The following TRIM14 variants were observed in gnomAD, a reference collection of about 807,000 sequenced individuals.
TRIM14 encodes tripartite motif containing 14, also known as tripartite motif-containing protein 14.
A neutral mutation model predicts 44.5 loss-of-function variants in TRIM14; 28 were observed. The observed-to-expected ratio is 0.63, with a 90% CI of 0.47 to 0.86. The LOEUF is 0.86. Ranked by LOEUF, TRIM14 falls within the 40% of genes least tolerant of loss-of-function variation. The pLI is 0.00. For missense variants in TRIM14, 607 were observed against 611.1 expected (o/e 0.99, Z 0.07); for synonymous variants, 299 against 269.2 (o/e 1.11, Z -1.08).
rs1327246560 is a variant in TRIM14 at position 98,087,854 on chromosome 9, G to C, written c.945C>G (p.Asp315Glu). The C allele has an allele frequency of 1.3e-6, 2 of 1,556,452 alleles. No individual in the cohort carries two copies. Among genetic ancestry groups the C allele is most frequent in the Admixed American group, 3.7e-5 (2 of 53,966 alleles). ...FDALWQVLAR[D>E]CFATGRHYWE... ...AGTAGTGGCGGCCGGTGGCGAAGCA[G>C]TCACGAGCCAGCACTTGCCAGAGCG... is the stretch of plus-strand genomic sequence containing the variant. Residue 315 changes from aspartate (D) to glutamate (E), a missense_variant, in exon 6 of 6, where the codon GAC becomes GAG. Around this residue, in one of 3 missense-constraint regions of TRIM14, gnomAD observed 356 missense variants for 323.0 expected, o/e 1.10. Transcript: ENST00000341469.
In TRIM14 at chr9:98,104,965, C is replaced by T. The variant is rs774248165; in HGVS notation, c.304-4801G>A. ...ATGCTGTCCAACCTTGCCCAGACCA[C>T]GTTAGCATGGGGACTCTTTAGACTC... On this transcript the variant is annotated intron_variant, in intron 2 of 5. Coordinates refer to ENST00000341469, the MANE Select transcript of TRIM14 (RefSeq NM_014788.4). 8.5e-5 allele frequency among the ~76,000 whole-genome samples: 13 copies of T among 152,232 alleles called. No individual in the cohort carries two copies. The Middle Eastern group carries it at 0.017, about 199-fold the overall frequency.
chr9:98,092,032 G>A (rs1826013545), intron 4 of TRIM14, 31 bp from the exon 5 acceptor site: 6 of 1,541,152 alleles, frequency 3.9e-6, no homozygotes, highest in East Asian at 4.6e-5. Context: ...ATGAGCGCCC[G>A]GAGCTTATGC....
chr9:98,104,856 G>A (rs1424470404), intron 2 of TRIM14, among the ~76,000 whole-genome samples: 2 of 152,162 alleles, frequency 1.3e-5, no homozygotes, highest in East Asian at 1.9e-4. Flanking sequence ...AAAGGAGGGC[G>A]CTGTTTTGCT....
chr9:98,114,994 C>T (rs1375478075), intron 1 of TRIM14, among the ~76,000 whole-genome samples: 1 of 152,176 alleles, frequency 6.6e-6, no homozygotes, highest in Non-Finnish European at 1.5e-5. Flanking sequence ...ATAAAAGATA[C>T]TTTTGTGAGC....
chr9:98,059,730 G>T, the TRIM14 span, among the ~76,000 whole-genome samples: 1,439 of 139,464 alleles, frequency 0.01, 19 homozygotes, highest in African/African-American at 0.034. Context: ...AGTGTTTTTT[G>T]TTTTTTTTTT....
At chr9:98,036,078 A>G in the TRIM14 span, among the ~76,000 whole-genome samples, 1 of 151,904 alleles carries the variant, frequency 6.6e-6, no homozygotes, top group East Asian at 1.9e-4. Context: ...GCGTGGTGGC[A>G]TGTGCCTGTA....
At chr9:98,091,694 CTT>C (rs1042820119) in intron 5 of TRIM14, among the ~76,000 whole-genome samples, 6 of 152,000 alleles carry the variant, frequency 3.9e-5, no homozygotes, top group African/African-American at 1.4e-4. Context: ...TTATGAGTAA[CTT>C]TTTTCTTTCA....
intron 3 of TRIM14, 77 bp downstream of exon 3, chr9:98,099,854 T>G (rs943075444): frequency 5.3e-6 from 7 of 1,319,770 alleles, no homozygotes; most frequent in African/African-American, 1.4e-5. Flanking sequence ...GTGTCAATAC[T>G]GTGCTCAATG....
At chr9:98,118,410 C>T (rs1185661738) in intron 1 of TRIM14, among the ~76,000 whole-genome samples, 3 of 152,164 alleles carry the variant, frequency 2.0e-5, no homozygotes, top group African/African-American at 7.2e-5. Flanking sequence ...ATAATAATGG[C>T]TCACCCAGGG....
the TRIM14 span, chr9:98,056,921 G>T: frequency 3.1e-6 from 5 of 1,603,818 alleles, no homozygotes; most frequent in African/African-American, 2.7e-5. Context: ...GTAGCCAAGC[G>T]CATGATCCGC....
intron 5 of TRIM14, 83 bp from the exon 6 acceptor site, chr9:98,088,088 C>G (rs894895764): frequency 7.4e-7 from 1 of 1,350,054 alleles, no homozygotes; most frequent in African/African-American, 1.5e-5. Flanking sequence ...AACGCACGTG[C>G]AAATCACAAA....
chr9:98,057,082 C>T, the TRIM14 span: 14 of 1,210,292 alleles, frequency 1.2e-5, no homozygotes, highest in South Asian at 2.1e-4. Flanking sequence ...TTTCGGAATC[C>T]TTCGGATCCC....
chr9:98,113,517 G>A (rs1826938251), intron 1 of TRIM14, among the ~76,000 whole-genome samples: 1 of 152,080 alleles, frequency 6.6e-6, no homozygotes, highest in Non-Finnish European at 1.5e-5. Flanking sequence ...ACCACACGCA[G>A]CTAATTTTTG....
intron 4 of TRIM14, among the ~76,000 whole-genome samples, chr9:98,094,361 A>AG (rs537064937): frequency 2.0e-5 from 3 of 152,078 alleles, no homozygotes; most frequent in African/African-American, 7.2e-5. Flanking sequence ...AGGGGCAAGG[A>AG]GGGGGGTCCA....
the TRIM14 span, among the ~76,000 whole-genome samples, chr9:98,046,178 G>C: frequency 1.3e-5 from 2 of 152,064 alleles, no homozygotes; most frequent in Non-Finnish European, 2.9e-5. Context: ...TTAATCAAGG[G>C]AACCCGAGAG....
At chr9:98,088,205 G>T (rs1396508796) in intron 5 of TRIM14, among the ~76,000 whole-genome samples, 200 bp from the exon 6 acceptor site, 1 of 152,210 alleles carries the variant, frequency 6.6e-6, no homozygotes, top group Non-Finnish European at 1.5e-5. Flanking sequence ...TCACTCTGCT[G>T]CACATCCCTT....
At chr9:98,111,166 T>C (rs1826839259) in intron 1 of TRIM14, among the ~76,000 whole-genome samples, 1 of 152,132 alleles carries the variant, frequency 6.6e-6, no homozygotes, top group African/African-American at 2.4e-5. Flanking sequence ...GCCCAAAATA[T>C]ATGCTGAATA....
chr9:98,046,066 G>A, the TRIM14 span, among the ~76,000 whole-genome samples: 1 of 152,126 alleles, frequency 6.6e-6, no homozygotes, highest in Non-Finnish European at 1.5e-5. Flanking sequence ...ATTGCAGGGG[G>A]TGTAAAATTT....
At chr9:98,069,198 T>C (rs1283462852), downstream of TRIM14, 1 of 152,262 alleles carries the variant, frequency 6.6e-6, no homozygotes, top group Non-Finnish European at 1.5e-5. Flanking sequence ...AAATGTTCTT[T>C]AGTGGGTGAA....
Sources: allele counts gnomAD v4.1 joint callset (sites outside exome capture counted in the v4.1 genomes callset), GRCh38; gene constraint gnomAD v4.1.1; regional missense constraint gnomAD v4.1.1; transcripts MANE v1.5; gene names NCBI Gene and HGNC (gene_info 2026-07-23, HGNC 2026-07-21).